STAG1: variants seen among roughly 807,000 people sequenced by gnomAD.
The protein encoded by STAG1 is STAG1 cohesin complex component, also known as cohesin subunit SA-1.
STAG1 carries 26 observed loss-of-function variants against 170.9 expected under a neutral mutation model. That is an observed-to-expected ratio of 0.15 (90% CI 0.11 to 0.21). STAG1 has a LOEUF of 0.21. Ranked by LOEUF, STAG1 falls within the 10% of genes least tolerant of loss-of-function variation. The pLI is 1.00. For synonymous variants in STAG1, 514 were observed against 497.7 expected, an observed-to-expected ratio of 1.03 and a Z score of -0.44; for missense variants, 964 against 1,509.5, an observed-to-expected ratio of 0.64 and a Z score of 5.99.
chr3:136,632,844 G>A (rs1372257707), intron 1 of STAG1, among the ~76,000 whole-genome samples: 1 of 152,178 alleles, frequency 6.6e-6, no homozygotes, highest in East Asian at 1.9e-4. Flanking sequence ...GCTATTTATT[G>A]CAAAAATACT....
At chr3:136,441,241 G>A (rs1193252766) in intron 15 of STAG1, among the ~76,000 whole-genome samples, 1 of 151,872 alleles carries the variant, frequency 6.6e-6, no homozygotes, top group Non-Finnish European at 1.5e-5. Context: ...CCATATTGGC[G>A]AGGCTGGTCT....
chr3:136,555,571 T>A (rs999450970), intron 5 of STAG1, among the ~76,000 whole-genome samples: 3 of 151,940 alleles, frequency 2.0e-5, no homozygotes, highest in African/African-American at 7.3e-5. Context: ...TAATTCTAGC[T>A]ACATAGGAGG....
intron 1 of STAG1, among the ~76,000 whole-genome samples, chr3:136,651,945 G>A (rs1941232640): frequency 6.6e-6 from 1 of 152,184 alleles, no homozygotes; most frequent in African/African-American, 2.4e-5. Context: ...AACACCTGAA[G>A]TCAGGTGAGT....
chr3:136,492,720 G>A (rs569560664), intron 9 of STAG1, among the ~76,000 whole-genome samples: 95 of 152,248 alleles, frequency 6.2e-4, no homozygotes, highest in African/African-American at 2.2e-3. Flanking sequence ...CCTTCAAACT[G>A]CAAGGGAATA....
intron 5 of STAG1, among the ~76,000 whole-genome samples, chr3:136,548,699 T>A (rs928102196): frequency 2.6e-5 from 4 of 152,196 alleles, no homozygotes. Flanking sequence ...ATTTCTTTCA[T>A]CAATGTTTTG....
At chr3:136,459,791 T>C (rs1559814739) in intron 13 of STAG1, among the ~76,000 whole-genome samples, 3 of 152,158 alleles carry the variant, frequency 2.0e-5, no homozygotes. Context: ...ATTTTAGAAT[T>C]TCGTGAGAGA....
chr3:136,619,007 A>G (rs898275550), intron 3 of STAG1, among the ~76,000 whole-genome samples: 2 of 152,164 alleles, frequency 1.3e-5, no homozygotes, highest in African/African-American at 2.4e-5. Flanking sequence ...GTCATAAAAA[A>G]TCCATATTTA....
chr3:136,738,474 G>C (rs1380951490), intron 1 of STAG1, among the ~76,000 whole-genome samples: 4 of 152,168 alleles, frequency 2.6e-5, no homozygotes, highest in African/African-American at 9.7e-5. Flanking sequence ...CTGGGCGACA[G>C]AGCAAGACTC....
intron 16 of STAG1, among the ~76,000 whole-genome samples, chr3:136,427,658 TA>T (rs75850249): frequency 0.033 from 4,425 of 132,304 alleles, 46 homozygotes; most frequent in African/African-American, 0.044. Context: ...AGGACCATTG[TA>T]AAAAAAAAAA....
In STAG1 at chr3:136,739,665, C is replaced by CA. The variant is rs754913331; in HGVS notation, c.-84+12529dup. ...TGAAACCCCATCTCTACTAAAAATA[C>CA]AAAAAAAAATTAGCCAGATGTGGTG... On this transcript the variant is annotated intron_variant, in intron 1 of 33. Transcript: ENST00000383202. 1.5e-4 allele frequency among the ~76,000 whole-genome samples: 22 copies of CA among 150,042 alleles called. No homozygotes were observed. In the South Asian group the frequency reaches 1.5e-3, roughly 10 times the overall value.
chr3:136,705,419 ACACAC>A (rs1404047768), intron 1 of STAG1, among the ~76,000 whole-genome samples: 5 of 132,100 alleles, frequency 3.8e-5, no homozygotes, highest in African/African-American at 6.1e-5. Context: ...ACACACACAC[ACACAC>A]AACGAAGTTC....
At chr3:136,538,435 G>C (rs903433368) in intron 6 of STAG1, among the ~76,000 whole-genome samples, 13 of 115,710 alleles carry the variant, frequency 1.1e-4, no homozygotes, top group African/African-American at 4.8e-4. Flanking sequence ...TTTCTTTTTT[G>C]AGAGAGAGCA....
chr3:136,660,540 G>C (rs1049023329), intron 1 of STAG1, among the ~76,000 whole-genome samples: 1 of 152,148 alleles, frequency 6.6e-6, no homozygotes, highest in Middle Eastern at 3.2e-3. Context: ...TGATTATACT[G>C]TAACACTCAA....
intron 20 of STAG1, among the ~76,000 whole-genome samples, chr3:136,419,627 T>G (rs866677944): frequency 1.6e-3 from 234 of 145,060 alleles, no homozygotes; most frequent in African/African-American, 3.6e-3. Context: ...GTGTGTGTTT[T>G]TTTTTTTTTT....
intron 24 of STAG1, 43 bp from the exon 25 acceptor site, chr3:136,367,125 T>C (rs1937104718): frequency 3.3e-6 from 5 of 1,511,744 alleles, no homozygotes; most frequent in Non-Finnish European, 4.5e-6. Context: ...TGGTACTTTA[T>C]CCACGTAAAA....
At chr3:136,668,709 G>A (rs1941891712) in intron 1 of STAG1, among the ~76,000 whole-genome samples, 1 of 152,082 alleles carries the variant, frequency 6.6e-6, no homozygotes, top group Non-Finnish European at 1.5e-5. Flanking sequence ...AGCAGAAATG[G>A]TCAGACCGTA....
At chr3:136,744,845 T>C (rs901934093) in intron 1 of STAG1, among the ~76,000 whole-genome samples, 4 of 151,996 alleles carry the variant, frequency 2.6e-5, no homozygotes, top group African/African-American at 9.7e-5. Context: ...CCAGCTAATT[T>C]TTGTATTTTT....
At chr3:136,668,382 A>AAT (rs1491491774) in intron 1 of STAG1, among the ~76,000 whole-genome samples, 2 of 146,152 alleles carry the variant, frequency 1.4e-5, no homozygotes, top group Non-Finnish European at 3.0e-5. Context: ...TATTATACAT[A>AAT]ATATATAAAA....
chr3:136,421,191 T>C (rs772487075), intron 19 of STAG1, 28 bp from the exon 20 acceptor site: 39 of 1,495,822 alleles, frequency 2.6e-5, no homozygotes, highest in Non-Finnish European at 3.4e-5. Context: ...ATCACATCAT[T>C]ACAACTTTAC....
Sources: allele counts gnomAD v4.1 joint callset (sites outside exome capture counted in the v4.1 genomes callset), GRCh38; gene constraint gnomAD v4.1.1; transcripts MANE v1.5; gene names NCBI Gene and HGNC (gene_info 2026-07-23, HGNC 2026-07-21).